Variants in VAV3 observed in about 807,000 individuals in gnomAD.
VAV3 encodes guanine nucleotide exchange factor VAV3.
Under a neutral mutation model 131.2 loss-of-function variants are expected in VAV3, and 94 were observed. That is an observed-to-expected ratio of 0.72 (90% confidence interval 0.61 to 0.85). The LOEUF (loss-of-function observed/expected upper bound fraction) is 0.85. Ranked by LOEUF, VAV3 falls within the 40% of genes least tolerant of loss-of-function variation. The pLI, the probability that VAV3 is intolerant of heterozygous loss-of-function variation, is 0.00. For missense variants in VAV3, 939 were observed against 1,002.7 expected (o/e 0.94, Z 0.86); for synonymous variants, 349 against 342.0 (o/e 1.02, Z -0.22).
At chr1:107,797,167 A>G (rs1666589097) in intron 2 of VAV3, among the ~76,000 whole-genome samples, 1 of 152,212 alleles carries the variant, frequency 6.6e-6, no homozygotes, top group Non-Finnish European at 1.5e-5. Context: ...TTTATATAGT[A>G]AAAAGCTATA....
intron 20 of VAV3, among the ~76,000 whole-genome samples, chr1:107,629,418 T>C (rs955322336): frequency 3.3e-5 from 5 of 152,214 alleles, no homozygotes; most frequent in Admixed American, 2.6e-4. Context: ...TTTTATCACA[T>C]ATTGCAACAA....
chr1:107,935,625 C>T (rs551468154), intron 1 of VAV3, among the ~76,000 whole-genome samples: 18 of 152,208 alleles, frequency 1.2e-4, no homozygotes, highest in African/African-American at 4.1e-4. Flanking sequence ...GAGTAAGAAA[C>T]CATCCGTGAC....
intron 18 of VAV3, among the ~76,000 whole-genome samples, chr1:107,684,185 A>G (rs2066026255): frequency 6.6e-6 from 1 of 152,252 alleles, no homozygotes; most frequent in Non-Finnish European, 1.5e-5. Context: ...ACACAAAACA[A>G]GAGATTTTAA....
chr1:107,617,652 G>A lies in VAV3; in HGVS notation c.1915-20C>T. On this transcript the variant is annotated intron_variant, in intron 20 of 26. Transcript: ENST00000370056. ...TCTGCCCTAAGGAAAAAAAAAAAAT[G>A]CCAGTGTTGAGAACAAATTTACCAC... The A allele has an allele frequency of 6.4e-7, 1 of 1,572,738 alleles. No individual in the cohort carries two copies. Among genetic ancestry groups the A allele is most frequent in the Non-Finnish European group, 8.7e-7 (1 of 1,147,646 alleles).
intron 10 of VAV3, 96 bp downstream of exon 10, chr1:107,760,688 C>T: frequency 2.2e-6 from 2 of 911,148 alleles, no homozygotes; most frequent in South Asian, 1.7e-5. Flanking sequence ...GGGGATTGGG[C>T]CCAACACATG....
In VAV3 at chr1:107,894,397, G is replaced by A. The variant is rs990174022; in HGVS notation, c.205-19380C>T. ...ATTAAGTAAAATGTCTTCCTATTAG[G>A]ACAGGTGTCTTCCTGACTACGGCAA... On this transcript the variant is annotated intron_variant, in intron 1 of 26. Transcript: ENST00000370056. Among the ~76,000 whole-genome samples the A allele has an allele frequency of 3.3e-5, 5 of 152,082 alleles. No homozygotes were observed. The East Asian group carries it at 9.6e-4, about 29-fold the overall frequency.
chr1:107,926,630 T>C (rs1321942119), intron 1 of VAV3, among the ~76,000 whole-genome samples: 1 of 152,098 alleles, frequency 6.6e-6, no homozygotes, highest in Admixed American at 6.5e-5. Context: ...TCTGTGCACA[T>C]GGTAGAGAAA....
intron 18 of VAV3, among the ~76,000 whole-genome samples, chr1:107,687,186 T>A (rs1325357772): frequency 6.6e-6 from 1 of 152,138 alleles, no homozygotes; most frequent in Non-Finnish European, 1.5e-5. Context: ...ATCACCTTGT[T>A]ATGCATTCTT....
At chr1:107,681,377 G>C (rs548996730) in intron 19 of VAV3, among the ~76,000 whole-genome samples, 1 of 152,206 alleles carries the variant, frequency 6.6e-6, no homozygotes, top group East Asian at 1.9e-4. Context: ...CTAAACAATA[G>C]CCACATGAGG....
At chr1:107,621,997 G>A (rs1653643033) in intron 20 of VAV3, among the ~76,000 whole-genome samples, 1 of 151,972 alleles carries the variant, frequency 6.6e-6, no homozygotes, top group Non-Finnish European at 1.5e-5. Flanking sequence ...TATATGGTAA[G>A]AAAAAAATGC....
chr1:107,952,487 C>CATATATATAT (rs1173992663), intron 1 of VAV3, among the ~76,000 whole-genome samples: 1 of 133,478 alleles, frequency 7.5e-6, no homozygotes, highest in Non-Finnish European at 1.5e-5. Flanking sequence ...TATATATATA[C>CATATATATAT]ACACATAAAT....
chr1:107,604,617 T>C (rs1273700501), intron 22 of VAV3, among the ~76,000 whole-genome samples: 1 of 152,164 alleles, frequency 6.6e-6, no homozygotes, highest in Non-Finnish European at 1.5e-5. Flanking sequence ...TTCCTTCTCA[T>C]TGTTAAGGTT....
intron 15 of VAV3, among the ~76,000 whole-genome samples, chr1:107,715,306 G>T (rs1046680458): frequency 5.3e-5 from 8 of 152,078 alleles, no homozygotes; most frequent in Middle Eastern, 3.2e-3. Context: ...ATGATAAAAA[G>T]TATTACATAA....
intron 1 of VAV3, among the ~76,000 whole-genome samples, chr1:107,877,408 C>T (rs1670556890): frequency 1.3e-5 from 2 of 152,166 alleles, no homozygotes; most frequent in South Asian, 4.1e-4. Flanking sequence ...GAAGATTTCC[C>T]ACCAAACTCA....
In VAV3 at chr1:107,868,115, A is replaced by G. The variant is rs77504590; in HGVS notation, c.321+6786T>C. On this transcript the variant is annotated intron_variant, in intron 2 of 26. Transcript: ENST00000370056. ...TTGTGCAATAGCACCACACTAGCAG[A>G]CAGAGAGATCAAGCTCCTGTGGGGC... 1.4e-3 allele frequency among the ~76,000 whole-genome samples: 217 copies of G among 152,302 alleles called. 2 individuals carry two copies. Among genetic ancestry groups the G allele is most frequent in the African/African-American group, 5.1e-3 (210 of 41,584 alleles).
intron 21 of VAV3, among the ~76,000 whole-genome samples, chr1:107,612,011 A>G (rs1343311522): frequency 6.6e-6 from 1 of 151,992 alleles, no homozygotes; most frequent in Admixed American, 6.6e-5. Flanking sequence ...TATGGTTACT[A>G]TTTTTCTCTA....
chr1:107,644,767 A>C (rs1655601244), intron 19 of VAV3, among the ~76,000 whole-genome samples: 1 of 152,034 alleles, frequency 6.6e-6, no homozygotes. Flanking sequence ...AAAATACAGA[A>C]ATGCCCAGGC....
At chr1:107,920,945 T>C (rs1174033384) in intron 1 of VAV3, among the ~76,000 whole-genome samples, 6 of 152,188 alleles carry the variant, frequency 3.9e-5, no homozygotes, top group Middle Eastern at 3.2e-3. Context: ...AATAAGCAAA[T>C]AGCATAAAAT....
chr1:107,797,896 T>C (rs891552531), intron 2 of VAV3, among the ~76,000 whole-genome samples: 1 of 152,180 alleles, frequency 6.6e-6, no homozygotes, highest in African/African-American at 2.4e-5. Context: ...TCCAACTCAG[T>C]AGGGACCAAG....
Sources: allele counts gnomAD v4.1 joint callset (sites outside exome capture counted in the v4.1 genomes callset), GRCh38; gene constraint gnomAD v4.1.1; transcripts MANE v1.5; gene names NCBI Gene and HGNC (gene_info 2026-07-23, HGNC 2026-07-21).